The following GLI2 variants were observed in gnomAD, a reference collection of about 807,000 sequenced individuals.
GLI2 encodes GLI family zinc finger 2.
GLI2 carries 22 observed loss-of-function variants against 78.9 expected under a neutral mutation model. The observed-to-expected ratio is 0.28, with a 90% CI of 0.20 to 0.40. The LOEUF is 0.40. Ranked by LOEUF, GLI2 falls within the 10% of genes least tolerant of loss-of-function variation. The pLI is 1.00. For missense variants in GLI2, 2,097 were observed against 2,213.2 expected, an observed-to-expected ratio of 0.95 and a Z score of 1.05; for synonymous variants, 974 against 963.7, an observed-to-expected ratio of 1.01 and a Z score of -0.20.
chr2:120,952,315 T>C (rs1297782923), intron 4 of GLI2, among the ~76,000 whole-genome samples: 2 of 152,200 alleles, frequency 1.3e-5, no homozygotes, highest in East Asian at 3.9e-4. Context: ...CTAGAGGACA[T>C]CTGCAACTTG....
intron 1 of GLI2, among the ~76,000 whole-genome samples, chr2:120,795,028 A>AT (rs1279933440): frequency 6.6e-6 from 1 of 152,020 alleles, no homozygotes; most frequent in Non-Finnish European, 1.5e-5. Context: ...TTGTGTACTC[A>AT]TTTTTTTCTA....
intron 3 of GLI2, among the ~76,000 whole-genome samples, chr2:120,931,778 T>TA (rs1376378260): frequency 6.6e-6 from 1 of 152,200 alleles, no homozygotes; most frequent in Admixed American, 6.5e-5. Flanking sequence ...GCAAGGTAGT[T>TA]ACTTCCGTGA....
intron 2 of GLI2, among the ~76,000 whole-genome samples, chr2:120,862,930 A>G (rs1370792497): frequency 1.3e-5 from 2 of 152,190 alleles, no homozygotes; most frequent in African/African-American, 4.8e-5. Context: ...CTGGCTCCCC[A>G]GTCGGAGGGA....
At chr2:120,824,379 C>T (rs532416068) in intron 2 of GLI2, among the ~76,000 whole-genome samples, 29 of 152,348 alleles carry the variant, frequency 1.9e-4, no homozygotes, top group Middle Eastern at 6.8e-3. Flanking sequence ...AGCAGCCTTC[C>T]CCCTTACAGG....
chr2:120,913,429 G>A (rs1678933208), intron 2 of GLI2, among the ~76,000 whole-genome samples: 1 of 152,164 alleles, frequency 6.6e-6, no homozygotes, highest in Admixed American at 6.5e-5. Context: ...CAATTAAATT[G>A]TGTTATTAAA....
chr2:120,959,645 C>T (rs770270810), intron 5 of GLI2, among the ~76,000 whole-genome samples: 14 of 152,150 alleles, frequency 9.2e-5, no homozygotes, highest in Non-Finnish European at 1.3e-4. Context: ...CTCAGCCAGG[C>T]GGCTCGGGCT....
chr2:120,939,928 G>T (rs1290277798), intron 3 of GLI2, among the ~76,000 whole-genome samples: 2 of 152,130 alleles, frequency 1.3e-5, no homozygotes, highest in Non-Finnish European at 2.9e-5. Context: ...TGATATCCTT[G>T]CCCCATCACT....
At chr2:120,869,642 A>G (rs1352549881) in intron 2 of GLI2, among the ~76,000 whole-genome samples, 2 of 152,230 alleles carry the variant, frequency 1.3e-5, no homozygotes, top group African/African-American at 4.8e-5. Context: ...AGTGTCGCTT[A>G]AACTACAGAA....
intron 1 of GLI2, among the ~76,000 whole-genome samples, chr2:120,760,142 C>G (rs1158042757): frequency 1.3e-5 from 2 of 152,282 alleles, no homozygotes; most frequent in East Asian, 1.9e-4. Context: ...TGGGCCAGCT[C>G]TGTTGCTCCA....
chr2:120,930,801 G>A (rs1679912688), intron 3 of GLI2, among the ~76,000 whole-genome samples: 1 of 152,248 alleles, frequency 6.6e-6, no homozygotes, highest in Non-Finnish European at 1.5e-5. Flanking sequence ...GAGGCCCTCA[G>A]TGCCGTCCTT....
At chr2:120,777,527 C>T (rs574074214) in intron 1 of GLI2, among the ~76,000 whole-genome samples, 4 of 149,536 alleles carry the variant, frequency 2.7e-5, no homozygotes, top group East Asian at 4.0e-4. Flanking sequence ...GGGAGGGGCG[C>T]GGCAGGCAGG....
intron 2 of GLI2, among the ~76,000 whole-genome samples, chr2:120,912,858 C>A (rs1362272836): frequency 6.6e-6 from 1 of 152,096 alleles, no homozygotes; most frequent in Non-Finnish European, 1.5e-5. Flanking sequence ...TCGACCAGCT[C>A]TGCGCGGAGA....
chr2:120,910,856 A>T (rs1009845164), intron 2 of GLI2, among the ~76,000 whole-genome samples: 1 of 152,242 alleles, frequency 6.6e-6, no homozygotes. Flanking sequence ...TGGCAGACCC[A>T]TTCTGTTTTA....
chr2:120,940,981 G>A (rs1282318286), intron 3 of GLI2, among the ~76,000 whole-genome samples: 1 of 152,240 alleles, frequency 6.6e-6, no homozygotes, highest in Non-Finnish European at 1.5e-5. Flanking sequence ...GGCCAAGTCG[G>A]CCTCAGACCC....
intron 2 of GLI2, among the ~76,000 whole-genome samples, chr2:120,868,819 T>A (rs1206942934): frequency 6.6e-6 from 1 of 152,084 alleles, no homozygotes; most frequent in Non-Finnish European, 1.5e-5. Context: ...GTGGGGAGAC[T>A]TTCCAGGCCA....
chr2:120,922,642 GC>G (rs1679438275), intron 2 of GLI2, among the ~76,000 whole-genome samples: 1 of 152,182 alleles, frequency 6.6e-6, no homozygotes, highest in Non-Finnish European at 1.5e-5. Context: ...AGCAGACCTT[GC>G]TGGAGATGAG....
At chr2:120,877,392 C>T (rs1482545936) in intron 2 of GLI2, among the ~76,000 whole-genome samples, 4 of 152,146 alleles carry the variant, frequency 2.6e-5, no homozygotes, top group Non-Finnish European at 4.4e-5. Context: ...CATACATAAC[C>T]GTAAAGTGCA....
intron 2 of GLI2, among the ~76,000 whole-genome samples, chr2:120,919,414 G>C (rs1679261413): frequency 6.6e-6 from 1 of 152,252 alleles, no homozygotes; most frequent in Non-Finnish European, 1.5e-5. Flanking sequence ...ACCCGACGCA[G>C]AGCAGGCACC....
chr2:120,945,955 T>TCACACACACACACACA (rs1240890746), intron 3 of GLI2, among the ~76,000 whole-genome samples: 11 of 11,560 alleles, frequency 9.5e-4, no homozygotes, highest in Non-Finnish European at 4.5e-3. Flanking sequence ...GGCATAACCT[T>TCACACACACACACACA]CTCACACACA....
Sources: allele counts gnomAD v4.1 joint callset (sites outside exome capture counted in the v4.1 genomes callset), GRCh38; gene constraint gnomAD v4.1.1; transcripts MANE v1.5; gene names NCBI Gene and HGNC (gene_info 2026-07-23, HGNC 2026-07-21).